The following ADGRL2 variants were observed in gnomAD, a reference collection of about 807,000 sequenced individuals.
ADGRL2 encodes the protein calcium-independent alpha-latrotoxin receptor 2.
In ADGRL2, 44 loss-of-function variants were observed where a neutral mutation model predicts 157.4. The ratio of observed to expected loss-of-function variants is 0.28; its 90% CI spans 0.22 to 0.36. ADGRL2 has a LOEUF of 0.36. ADGRL2 is among the 10% of genes least tolerant of loss of function. The pLI is 1.00. For missense variants in ADGRL2, 1,510 were observed against 1,768.9 expected (o/e 0.85, Z 2.63); for synonymous variants, 585 against 624.7 (o/e 0.94, Z 0.95).
intron 2 of ADGRL2, among the ~76,000 whole-genome samples, chr1:81,793,167 T>C (rs1391545084): frequency 6.6e-6 from 1 of 152,128 alleles, no homozygotes; most frequent in African/African-American, 2.4e-5. Context: ...GAAATTCAAT[T>C]GGTTTATTTT....
At chr1:81,455,690 A>C (rs2077790602) in intron 2 of ADGRL2, among the ~76,000 whole-genome samples, 1 of 152,202 alleles carries the variant, frequency 6.6e-6, no homozygotes, top group Non-Finnish European at 1.5e-5. Context: ...AAATTTGTAT[A>C]TGTTCTGTTT....
At chr1:81,550,414 A>T (rs1178687278) in intron 2 of ADGRL2, among the ~76,000 whole-genome samples, 3 of 152,186 alleles carry the variant, frequency 2.0e-5, no homozygotes, top group African/African-American at 7.2e-5. Flanking sequence ...GTGATTTTTA[A>T]CAGAACATCG....
intron 1 of ADGRL2, among the ~76,000 whole-genome samples, chr1:81,413,464 A>G (rs2076982702): frequency 6.6e-6 from 1 of 152,160 alleles, no homozygotes; most frequent in Admixed American, 6.5e-5. Flanking sequence ...AAAAAAAGAC[A>G]TGGAAACTGT....
At chr1:81,306,826 T>G (rs1349743987) in intron 1 of ADGRL2, among the ~76,000 whole-genome samples, 2 of 152,208 alleles carry the variant, frequency 1.3e-5, no homozygotes, top group Non-Finnish European at 2.9e-5. Context: ...TGTTTTAACT[T>G]ATTATGTATG....
chr1:81,516,218 A>G (rs1415668171), intron 2 of ADGRL2, among the ~76,000 whole-genome samples: 1 of 152,202 alleles, frequency 6.6e-6, no homozygotes, highest in African/African-American at 2.4e-5. Flanking sequence ...CAAAAATAGC[A>G]TGCATTTTAC....
intron 4 of ADGRL2, among the ~76,000 whole-genome samples, chr1:81,939,285 GT>G (rs2095353552): frequency 6.6e-6 from 1 of 151,404 alleles, no homozygotes; most frequent in African/African-American, 2.4e-5. Context: ...CATATACAGG[GT>G]ATCCATTGTC....
At chr1:81,338,294 C>A (rs1030153344) in intron 1 of ADGRL2, among the ~76,000 whole-genome samples, 15 of 152,096 alleles carry the variant, frequency 9.9e-5, no homozygotes, top group African/African-American at 3.6e-4. Context: ...ACCCGGGAGG[C>A]AGAAGTTGCA....
At chr1:81,454,650 A>C (rs2077766461) in intron 2 of ADGRL2, among the ~76,000 whole-genome samples, 1 of 152,142 alleles carries the variant, frequency 6.6e-6, no homozygotes, top group Non-Finnish European at 1.5e-5. Flanking sequence ...GTTGAAAAAC[A>C]CCTGGTGGGA....
chr1:81,844,067 G>A (rs530934443), intron 2 of ADGRL2, among the ~76,000 whole-genome samples: 7 of 152,128 alleles, frequency 4.6e-5, no homozygotes, highest in African/African-American at 1.7e-4. Context: ...TTTAATTTCG[G>A]TAAACCTCCA....
intron 1 of ADGRL2, among the ~76,000 whole-genome samples, chr1:81,754,440 TCTCCTCCTCCTCCTC>T (rs147813577): frequency 7.6e-6 from 1 of 131,146 alleles, no homozygotes; most frequent in Non-Finnish European, 1.6e-5. Context: ...TCCTCCTCCT[TCTCCTCCTCCTCCTC>T]CTCCTCCCCC....
chr1:81,488,478 T>C (rs2078556631), intron 2 of ADGRL2, among the ~76,000 whole-genome samples: 1 of 149,580 alleles, frequency 6.7e-6, no homozygotes, highest in African/African-American at 2.5e-5. Flanking sequence ...GGCATGCAAA[T>C]AGCTTGAGCT....
chr1:81,747,532 C>T (rs573750163), intron 1 of ADGRL2, among the ~76,000 whole-genome samples: 2 of 152,070 alleles, frequency 1.3e-5, no homozygotes, highest in South Asian at 2.1e-4. Flanking sequence ...AAACTCCTGA[C>T]CTCAGGTGAC....
chr1:81,710,301 C>A (rs2083881439), intron 1 of ADGRL2, among the ~76,000 whole-genome samples: 1 of 151,962 alleles, frequency 6.6e-6, no homozygotes, highest in African/African-American at 2.4e-5. Flanking sequence ...AGCTAATAAC[C>A]CATTTCTACT....
chr1:81,369,336 A>G (rs922698924), intron 1 of ADGRL2, among the ~76,000 whole-genome samples: 13 of 152,286 alleles, frequency 8.5e-5, no homozygotes, highest in African/African-American at 3.1e-4. Context: ...TACAGTCTAT[A>G]TATACATAGC....
chr1:81,678,371 C>A (rs1244498063), intron 3 of ADGRL2, among the ~76,000 whole-genome samples: 1 of 152,126 alleles, frequency 6.6e-6, no homozygotes, highest in Admixed American at 6.5e-5. Flanking sequence ...TAGTTGTAGC[C>A]TCTGTCTACG....
intron 3 of ADGRL2, among the ~76,000 whole-genome samples, chr1:81,667,218 T>C (rs1206370921): frequency 2.0e-5 from 3 of 152,308 alleles, no homozygotes; most frequent in Middle Eastern, 3.4e-3. Flanking sequence ...GTTAGGTGGA[T>C]GTTGTTGGGG....
intron 1 of ADGRL2, among the ~76,000 whole-genome samples, chr1:81,736,142 CAAAAAA>C (rs71085371): frequency 2.7e-4 from 25 of 92,576 alleles, no homozygotes; most frequent in South Asian, 1.0e-3. Flanking sequence ...GACCCCGTCT[CAAAAAA>C]AAAAAAAAAA....
intron 1 of ADGRL2, among the ~76,000 whole-genome samples, chr1:81,835,079 C>T (rs1307269820): frequency 6.6e-6 from 1 of 152,054 alleles, no homozygotes; most frequent in Non-Finnish European, 1.5e-5. Flanking sequence ...CAAACAAGGG[C>T]TCTTTGAATA....
intron 2 of ADGRL2, among the ~76,000 whole-genome samples, chr1:81,494,767 T>C (rs2078698242): frequency 6.6e-6 from 1 of 152,192 alleles, no homozygotes; most frequent in Admixed American, 6.6e-5. Context: ...TTGGAATCTT[T>C]TGTTTTAATA....
Sources: allele counts gnomAD v4.1 joint callset (sites outside exome capture counted in the v4.1 genomes callset), GRCh38; gene constraint gnomAD v4.1.1; transcripts MANE v1.5; gene names NCBI Gene and HGNC (gene_info 2026-07-23, HGNC 2026-07-21).